SYCE3: variants seen among roughly 807,000 people sequenced by gnomAD.
SYCE3 encodes the protein testis highly expressed gene 2 protein.
Under a neutral mutation model 8.1 loss-of-function variants are expected in SYCE3, and 3 were observed. The observed-to-expected ratio is 0.37, with a 90% CI of 0.17 to 0.96. The LOEUF (loss-of-function observed/expected upper bound fraction) is 0.96. Among genes scored for constraint, SYCE3 ranks in the 40% least tolerant of loss-of-function variants. SYCE3 has a pLI of 0.41. For missense variants in SYCE3, 83 were observed against 110.0 expected (o/e 0.75, Z 1.10); for synonymous variants, 36 against 38.7 (o/e 0.93, Z 0.26).
chr22:50,560,663 T>C (rs1253160854), intron 1 of SYCE3, among the ~76,000 whole-genome samples: 1 of 151,770 alleles, frequency 6.6e-6, no homozygotes, highest in East Asian at 1.9e-4. Flanking sequence ...TGATACAGAG[T>C]CAAGGTTTTT....
At chr22:50,561,457 G>T (rs2069914823) in intron 1 of SYCE3, among the ~76,000 whole-genome samples, 1 of 148,772 alleles carries the variant, frequency 6.7e-6, no homozygotes, top group Admixed American at 6.7e-5. Context: ...GGAGAAAGAG[G>T]CCTGAGCCCG....
At chr22:50,560,662 G>A (rs1022608994) in intron 1 of SYCE3, among the ~76,000 whole-genome samples, 1 of 152,160 alleles carries the variant, frequency 6.6e-6, no homozygotes, top group Admixed American at 6.6e-5. Context: ...GTGATACAGA[G>A]TCAAGGTTTT....
chr22:50,553,269 C>T (rs924122983), intron 2 of SYCE3, among the ~76,000 whole-genome samples: 3 of 151,982 alleles, frequency 2.0e-5, no homozygotes, highest in Non-Finnish European at 2.9e-5. Flanking sequence ...CCAGCCATAA[C>T]GTTTTTTTGA....
chr22:50,551,489 G>T, intron 2 of SYCE3, 87 bp from the exon 3 acceptor site: 1 of 1,399,754 alleles, frequency 7.1e-7, no homozygotes, highest in Non-Finnish European at 9.6e-7. Context: ...CTCCAGCTGG[G>T]CTCAGCATCT....
In SYCE3 at chr22:50,551,258, T is replaced by C. The variant is rs1420742586; in HGVS notation, c.254A>G (p.Lys85Arg). Reference protein sequence around the residue: ...KNWQELLHETKQRL With the variant: ...KNWQELLHETRQRL ...GGCCAGTGGGGCCTACAGCCTTTGC[T>C]TGGTCTCATGCAGCAGCTCTTGCCA... The change falls in exon 3 of 3, where the codon AAG (lysine) becomes AGG (arginine). Residue 85 changes from lysine (K) to arginine (R), a missense_variant. Lys to Arg is a conservative substitution (Grantham distance 26). Transcript: ENST00000406915. The C allele has an allele frequency of 6.4e-7, 1 of 1,551,394 alleles. No individual in the cohort carries two copies.
intron 1 of SYCE3, among the ~76,000 whole-genome samples, chr22:50,557,162 T>G (rs1478331627): frequency 1.3e-5 from 2 of 151,336 alleles, no homozygotes; most frequent in Non-Finnish European, 2.9e-5. Flanking sequence ...TTTGAGTTTT[T>G]TTTTTTTTTT....
At chr22:50,555,984 G>A (rs1236673658) in intron 2 of SYCE3, among the ~76,000 whole-genome samples, 2 of 151,926 alleles carry the variant, frequency 1.3e-5, no homozygotes, top group African/African-American at 4.8e-5. Flanking sequence ...TAGTAGAGAC[G>A]AGGTTTTACT....
intron 2 of SYCE3, among the ~76,000 whole-genome samples, chr22:50,554,693 C>CA (rs35905749): frequency 0.58 from 45,206 of 78,252 alleles, 12,516 homozygotes; most frequent in East Asian, 0.88. Flanking sequence ...GACTCCGTCT[C>CA]AAAAAAAAAA....
intron 2 of SYCE3, among the ~76,000 whole-genome samples, chr22:50,554,164 C>T (rs1286569747): frequency 4.0e-5 from 6 of 148,830 alleles, no homozygotes; most frequent in East Asian, 2.0e-4. Flanking sequence ...CACTGCACTC[C>T]AGCCTGGGCA....
At chr22:50,554,759 C>T (rs1224764759) in intron 2 of SYCE3, among the ~76,000 whole-genome samples, 2 of 150,244 alleles carry the variant, frequency 1.3e-5, no homozygotes, top group Non-Finnish European at 2.9e-5. Flanking sequence ...CTTTGGGAGG[C>T]TGAGGCGGGC....
chr22:50,562,001 G>A (rs1044274807), intron 1 of SYCE3, among the ~76,000 whole-genome samples: 1 of 133,658 alleles, frequency 7.5e-6, no homozygotes, highest in African/African-American at 2.9e-5. Flanking sequence ...TCAGGATCAG[G>A]AGTGTATGGT....
chr22:50,551,220 G>T lies in SYCE3; in HGVS notation c.*25C>A. On this transcript the variant is annotated 3_prime_UTR_variant, in exon 3 of 3. Coordinates refer to ENST00000406915, the MANE Select transcript of SYCE3 (RefSeq NM_001123225.3). ...TCTTCATACGGGCAGAGGGTGGCAT[G>T]GCAGCTGTGGTGGGCCAGTGGGGCC... 1 of 1,549,200 alleles carries T rather than the reference G, an allele frequency of 6.5e-7. No homozygotes were observed. The highest frequency in any genetic ancestry group is 1.2e-5 in the South Asian group (1 of 83,930).
intron 2 of SYCE3, 33 bp downstream of exon 2, chr22:50,556,264 T>G: frequency 6.9e-7 from 1 of 1,439,040 alleles, no homozygotes; most frequent in Non-Finnish European, 9.6e-7. Flanking sequence ...GATTGAGACC[T>G]GTCTCAGATA....
chr22:50,560,278 T>A (rs999688406), intron 1 of SYCE3, among the ~76,000 whole-genome samples: 1 of 152,046 alleles, frequency 6.6e-6, no homozygotes, highest in Non-Finnish European at 1.5e-5. Flanking sequence ...GCAGGAGAAA[T>A]GCTTGAAGCC....
chr22:50,561,368 T>C (rs970045541), intron 1 of SYCE3, among the ~76,000 whole-genome samples: 1 of 152,076 alleles, frequency 6.6e-6, no homozygotes, highest in African/African-American at 2.4e-5. Flanking sequence ...TGAGAGCTGA[T>C]GTGGAGGAAG....
In SYCE3 at chr22:50,554,623, G is replaced by A. The variant is rs2069840781; in HGVS notation, c.109+1674C>T. Among the ~76,000 whole-genome samples the A allele has an allele frequency of 2.0e-5, 3 of 151,586 alleles. No homozygotes were observed. The South Asian group carries it at 6.3e-4, about 32-fold the overall frequency. On this transcript the variant is annotated intron_variant, in intron 2 of 2. Coordinates refer to ENST00000406915, the MANE Select transcript of SYCE3 (RefSeq NM_001123225.3). ...GCAGGGGAATCACTTGAACCCGAGAGGCGGAGGTTGCAGTGAGCTGAGATC... is the reference window on the plus strand; with the variant it reads ...GCAGGGGAATCACTTGAACCCGAGAAGCGGAGGTTGCAGTGAGCTGAGATC...
At position 50,551,123 on chromosome 22, in the gene SYCE3, A is replaced by G; in HGVS notation, c.*122T>C. 1 of 1,297,624 alleles carries G rather than the reference A, an allele frequency of 7.7e-7. No individual in the cohort carries two copies. Among genetic ancestry groups the G allele is most frequent in the Non-Finnish European group, 1.0e-6 (1 of 952,630 alleles). The allele number at this position is 1,297,624 out of a possible 1,614,324, so 80.4% of individuals were successfully genotyped here. ...AGAGGTCCTCGGGCTGTGCTTAAAA[A>G]TAAGTTTATTAAGAAACAAGTACAG... On this transcript the variant is annotated 3_prime_UTR_variant, in exon 3 of 3. Coordinates refer to ENST00000406915, the MANE Select transcript of SYCE3 (RefSeq NM_001123225.3).
At chr22:50,560,710 A>G (rs1348023741) in intron 1 of SYCE3, among the ~76,000 whole-genome samples, 1 of 152,176 alleles carries the variant, frequency 6.6e-6, no homozygotes, top group Non-Finnish European at 1.5e-5. Flanking sequence ...CTGTGTGGAA[A>G]GAGCTACCTG....
chr22:50,557,633 C>A (rs1291688427), intron 1 of SYCE3, among the ~76,000 whole-genome samples: 1 of 152,142 alleles, frequency 6.6e-6, no homozygotes, highest in Non-Finnish European at 1.5e-5. Flanking sequence ...ACTCCAGATC[C>A]TCTCCTCACC....
Sources: gnomAD v4.1 joint callset for allele counts (sites outside exome capture counted in the v4.1 genomes callset) on GRCh38, gnomAD v4.1.1 for gene constraint, MANE v1.5 for transcripts, NCBI Gene and HGNC (gene_info 2026-07-23, HGNC 2026-07-21) for gene names.